Variants in TMEM108 observed in about 807,000 individuals in gnomAD.
The protein encoded by TMEM108 is transmembrane protein 108.
Under a neutral mutation model 35.1 loss-of-function variants are expected in TMEM108, and 12 were observed. The observed-to-expected ratio is 0.34, with a 90% CI of 0.22 to 0.55. TMEM108 has a LOEUF of 0.55. TMEM108 is among the 20% of genes least tolerant of loss of function. TMEM108 has a pLI of 0.89. For missense variants in TMEM108, 680 were observed against 753.3 expected (o/e 0.90, Z 1.14); for synonymous variants, 287 against 308.6 (o/e 0.93, Z 0.73).
chr3:133,108,102 G>A (rs1031295818), intron 2 of TMEM108, among the ~76,000 whole-genome samples: 19 of 152,188 alleles, frequency 1.2e-4, no homozygotes, highest in South Asian at 4.2e-4. Flanking sequence ...ATGATGGTGC[G>A]TGCCTGTAAT....
intron 2 of TMEM108, among the ~76,000 whole-genome samples, chr3:133,100,434 T>G (rs1054761936): frequency 1.6e-4 from 25 of 152,142 alleles, no homozygotes; most frequent in Admixed American, 2.6e-4. Flanking sequence ...ACGCTGTCTC[T>G]ACAAAAAATA....
At chr3:133,204,603 G>A (rs1945723575) in intron 2 of TMEM108, among the ~76,000 whole-genome samples, 1 of 152,180 alleles carries the variant, frequency 6.6e-6, no homozygotes, top group South Asian at 2.1e-4. Context: ...CTGTGTAGTT[G>A]TGTGGTTTTG....
chr3:133,225,779 C>T (rs1478165722), intron 2 of TMEM108, among the ~76,000 whole-genome samples: 1 of 151,888 alleles, frequency 6.6e-6, no homozygotes, highest in African/African-American at 2.4e-5. Flanking sequence ...AATTTAAACA[C>T]TTATTGTTCT....
chr3:133,387,819 T>C (rs2073175521), intron 4 of TMEM108: 21 of 984,742 alleles, frequency 2.1e-5, no homozygotes, highest in Non-Finnish European at 2.4e-5. Flanking sequence ...GTCACCTAGA[T>C]TCTAATTCTA....
intron 3 of TMEM108, among the ~76,000 whole-genome samples, chr3:133,300,638 G>T (rs1947208562): frequency 6.6e-6 from 1 of 152,062 alleles, no homozygotes; most frequent in Non-Finnish European, 1.5e-5. Context: ...AATGGGTAAG[G>T]CAGGGTAACC....
Position 133,053,698 on chromosome 3 carries a change from G to A in TMEM108, c.-47+7678G>A, listed in dbSNP as rs987477588. Among the ~76,000 whole-genome samples the A allele has an allele frequency of 2.0e-5, 3 of 152,194 alleles. No homozygotes were observed. In the East Asian group the frequency reaches 5.8e-4, roughly 29 times the overall value. On this transcript the variant is annotated intron_variant, in intron 2 of 5. Transcript: ENST00000321871. ...GACCTCATGGAGTCAGGACTTAGGA[G>A]CAGGAAGATTGTTCTGATCTTTTGT...
intron 3 of TMEM108, among the ~76,000 whole-genome samples, chr3:133,377,445 C>T (rs1329565119): frequency 6.6e-6 from 1 of 152,206 alleles, no homozygotes. Flanking sequence ...ATACTGTCCT[C>T]TTCTTCCTCC....
At chr3:133,221,329 G>A (rs181005854) in intron 2 of TMEM108, among the ~76,000 whole-genome samples, 1 of 151,914 alleles carries the variant, frequency 6.6e-6, no homozygotes, top group Admixed American at 6.6e-5. Flanking sequence ...GAATTCCAAG[G>A]GATTTAGGAA....
chr3:133,325,311 A>G (rs2071316352), intron 3 of TMEM108, among the ~76,000 whole-genome samples: 1 of 152,114 alleles, frequency 6.6e-6, no homozygotes, highest in South Asian at 2.1e-4. Flanking sequence ...GATATAATGG[A>G]TTTTGGGGAT....
intron 2 of TMEM108, among the ~76,000 whole-genome samples, chr3:133,098,333 A>G (rs550749224): frequency 1.6e-4 from 24 of 152,184 alleles, no homozygotes; most frequent in Non-Finnish European, 1.3e-4. Flanking sequence ...CCCTTGACTC[A>G]ATTACCTCAC....
intron 3 of TMEM108, among the ~76,000 whole-genome samples, chr3:133,229,628 TATA>T (rs950262449): frequency 1.1e-4 from 16 of 152,240 alleles, no homozygotes; most frequent in Non-Finnish European, 2.1e-4. Context: ...TAAACTCCAT[TATA>T]ATAATTCTAA....
chr3:133,271,543 G>A (rs1946770775), intron 3 of TMEM108, among the ~76,000 whole-genome samples: 1 of 152,066 alleles, frequency 6.6e-6, no homozygotes, highest in Admixed American at 6.6e-5. Context: ...AGGTCTTTCT[G>A]CCCATTAGAT....
At chr3:133,351,021 G>T (rs2071980754) in intron 3 of TMEM108, among the ~76,000 whole-genome samples, 1 of 152,084 alleles carries the variant, frequency 6.6e-6, no homozygotes, top group African/African-American at 2.4e-5. Flanking sequence ...CTCCAAATCA[G>T]ATTTAAAGAG....
chr3:133,062,332 A>G (rs1201985130), intron 2 of TMEM108, among the ~76,000 whole-genome samples: 2 of 152,052 alleles, frequency 1.3e-5, no homozygotes, highest in Non-Finnish European at 2.9e-5. Context: ...CTTTATTGTA[A>G]TTTTCTTTAG....
intron 2 of TMEM108, among the ~76,000 whole-genome samples, chr3:133,220,432 A>G (rs1425244812): frequency 3.9e-5 from 6 of 152,274 alleles, no homozygotes. Context: ...GTGCACCACC[A>G]TGCCCAGCTT....
At chr3:133,378,941 G>A (rs192379547) in intron 3 of TMEM108, among the ~76,000 whole-genome samples, 118 of 152,026 alleles carry the variant, frequency 7.8e-4, no homozygotes, top group African/African-American at 2.6e-3. Context: ...GACACCAGCC[G>A]GCATTTGTAG....
chr3:133,251,309 C>T (rs145576283), intron 3 of TMEM108, among the ~76,000 whole-genome samples: 148 of 152,142 alleles, frequency 9.7e-4, no homozygotes, highest in Non-Finnish European at 1.8e-3. Flanking sequence ...TATCCTTCTC[C>T]AAATCAAATT....
intron 3 of TMEM108, among the ~76,000 whole-genome samples, chr3:133,262,914 G>A (rs1015888142): frequency 6.6e-6 from 1 of 152,194 alleles, no homozygotes; most frequent in Non-Finnish European, 1.5e-5. Flanking sequence ...TGAAGTATAT[G>A]ATTATAAATC....
rs1944386956 is a variant in TMEM108 at position 133,124,170 on chromosome 3, G to A, written c.-47+78150G>A. On this transcript the variant is annotated intron_variant, in intron 2 of 5. Transcript: ENST00000321871. Reference sequence around the variant, plus strand: ...AAGTATTCTTTAGAATTCACTGAGGGGAAAAAAATATGGAAAGCAGCATCA... The same window carrying A: ...AAGTATTCTTTAGAATTCACTGAGGAGAAAAAAATATGGAAAGCAGCATCA... Among the ~76,000 whole-genome samples the A allele has an allele frequency of 1.3e-5, 2 of 152,070 alleles. 1 individual carries two copies. Among genetic ancestry groups the A allele is most frequent in the South Asian group, 4.1e-4 (2 of 4,824 alleles).
Sources: gnomAD v4.1 joint callset for allele counts (sites outside exome capture counted in the v4.1 genomes callset) on GRCh38, gnomAD v4.1.1 for gene constraint, MANE v1.5 for transcripts, NCBI Gene and HGNC (gene_info 2026-07-23, HGNC 2026-07-21) for gene names.